FLACC1: variants seen among roughly 807,000 people sequenced by gnomAD.
FLACC1 encodes the protein flagellum-associated coiled-coil domain-containing protein 1.
A neutral mutation model predicts 62.8 loss-of-function variants in FLACC1; 66 were observed. That is an observed-to-expected ratio of 1.05 (90% CI 0.86 to 1.29). FLACC1 has a LOEUF of 1.29. FLACC1 is among the 50% of genes most tolerant of loss of function. The probability of loss-of-function intolerance (pLI) is 0.00; values close to 1 mark genes in which losing one functional copy is unlikely to be tolerated. For missense variants in FLACC1, 452 were observed against 489.1 expected (o/e 0.92, Z 0.71); for synonymous variants, 156 against 161.0 (o/e 0.97, Z 0.24).
intron 9 of FLACC1, among the ~76,000 whole-genome samples, chr2:201,329,980 A>T (rs192709065): frequency 6.6e-6 from 1 of 152,310 alleles, no homozygotes; most frequent in East Asian, 1.9e-4. Flanking sequence ...AAACAACTCA[A>T]ATGCCCAATA....
At chr2:201,316,234 A>G (rs1264884359) in intron 9 of FLACC1, among the ~76,000 whole-genome samples, 1 of 152,122 alleles carries the variant, frequency 6.6e-6, no homozygotes, top group Non-Finnish European at 1.5e-5. Flanking sequence ...AATCAAACAA[A>G]CAAACAAACA....
At chr2:201,309,925 A>AAAG (rs1553611896) in intron 9 of FLACC1, among the ~76,000 whole-genome samples, 5,718 of 94,712 alleles carry the variant, frequency 0.06, 313 homozygotes, top group East Asian at 0.13. Context: ...AAAAAAAAAA[A>AAAG]AAGAAGAAGA....
chr2:201,293,596 A>G (rs1200473301), intron 12 of FLACC1, among the ~76,000 whole-genome samples: 1 of 152,198 alleles, frequency 6.6e-6, no homozygotes, highest in East Asian at 1.9e-4. Flanking sequence ...ACACCCTAAC[A>G]TCACAATTAA....
intron 11 of FLACC1, among the ~76,000 whole-genome samples, chr2:201,304,315 T>G (rs943665637): frequency 6.6e-6 from 1 of 152,032 alleles, no homozygotes; most frequent in Non-Finnish European, 1.5e-5. Flanking sequence ...AAATCATGAG[T>G]GAACTCCCAT....
upstream of FLACC1, among the ~76,000 whole-genome samples, chr2:201,358,154 T>G (rs1219628006): frequency 6.6e-6 from 1 of 152,200 alleles, no homozygotes; most frequent in Non-Finnish European, 1.5e-5. Flanking sequence ...GGGATATACC[T>G]CAGTTCTTAT....
chr2:201,328,598 G>A lies in FLACC1; in HGVS notation c.675+1872C>T, dbSNP rs60931220. ...GTGCCACCATGTCCGACTAATTTTCGTATTTTCAGTAGAGACAGGGTTTTG... is the reference window on the plus strand; with the variant it reads ...GTGCCACCATGTCCGACTAATTTTCATATTTTCAGTAGAGACAGGGTTTTG... On this transcript the variant is annotated intron_variant, in intron 9 of 14. Transcript: ENST00000392257. Among the ~76,000 whole-genome samples the A allele has an allele frequency of 5.5e-3, 839 of 152,100 alleles. 13 individuals carry two copies. Among genetic ancestry groups the A allele is most frequent in the African/African-American group, 0.019 (803 of 41,504 alleles).
chr2:201,327,588 T>C (rs1157924965), intron 9 of FLACC1, among the ~76,000 whole-genome samples: 6 of 152,050 alleles, frequency 3.9e-5, no homozygotes, highest in African/African-American at 1.4e-4. Context: ...ATCAGGGAAA[T>C]GCAAATTAAA....
upstream of FLACC1, among the ~76,000 whole-genome samples, chr2:201,359,358 G>A (rs1951165205): frequency 6.6e-6 from 1 of 152,188 alleles, no homozygotes; most frequent in African/African-American, 2.4e-5. Flanking sequence ...TATTTTAGAA[G>A]TTCAGAGGAA....
chr2:201,332,321 T>C (rs1950610771), intron 7 of FLACC1, among the ~76,000 whole-genome samples: 1 of 152,038 alleles, frequency 6.6e-6, no homozygotes, highest in Non-Finnish European at 1.5e-5. Flanking sequence ...CAATCTCGGC[T>C]CACTGCAACC....
chr2:201,289,627 A>T, intron 13 of FLACC1, 61 bp from the exon 14 acceptor site: 2 of 1,611,838 alleles, frequency 1.2e-6, no homozygotes, highest in Non-Finnish European at 1.7e-6. Context: ...GGGCAGAGCT[A>T]TATGGCAGAG....
chr2:201,299,301 C>G lies in FLACC1; in HGVS notation c.880-1G>C. ...CACTTTGATGTTGTTTCAAGAGCTC[C>G]TAAAAACAATTTTATTGGGAAAAGG... is the stretch of plus-strand genomic sequence containing the variant. On this transcript the variant is annotated splice_acceptor_variant, in intron 11 of 14. Transcript: ENST00000392257. LOFTEE classifies it high-confidence loss of function. The G allele has an allele frequency of 1.2e-6, 2 of 1,613,496 alleles. No homozygotes were observed. Among genetic ancestry groups the G allele is most frequent in the South Asian group, 1.1e-5 (1 of 90,996 alleles).
At position 201,330,476 on chromosome 2, in the gene FLACC1, C is replaced by T. The variant is rs139800644; in HGVS notation, c.669G>A (p.Thr223=). The T allele has an allele frequency of 1.2e-4, 196 of 1,613,472 alleles. No homozygotes were observed. The East Asian group carries it at 1.7e-3, about 14-fold the overall frequency. ...AGGGAGCTGTGTATCTCACCTGATACGTACGAAACATATTCTTCAAATACT... is the reference window on the plus strand; with the variant it reads ...AGGGAGCTGTGTATCTCACCTGATATGTACGAAACATATTCTTCAAATACT... The part of the protein sequence containing the change: ...EYKYLKNMFR[T]YQDSIYDEME... Residue 223 remains threonine (T), a synonymous_variant, in exon 9 of 15, where the codon ACG becomes ACA. Transcript: ENST00000392257.
intron 11 of FLACC1, among the ~76,000 whole-genome samples, chr2:201,306,922 G>A (rs1464278503): frequency 6.6e-6 from 1 of 152,108 alleles, no homozygotes; most frequent in Admixed American, 6.6e-5. Context: ...GGACCAATAA[G>A]CATATGAGAA....
chr2:201,299,057 A>T (rs528914059), intron 12 of FLACC1, among the ~76,000 whole-genome samples, 181 bp downstream of exon 12: 65 of 152,340 alleles, frequency 4.3e-4, no homozygotes, highest in African/African-American at 1.5e-3. Context: ...CACTGGCTTT[A>T]TTTTACAGAT....
At chr2:201,298,516 C>T (rs138654733) in intron 12 of FLACC1, among the ~76,000 whole-genome samples, 5 of 152,284 alleles carry the variant, frequency 3.3e-5, no homozygotes, top group African/African-American at 1.2e-4. Context: ...AATTCGTAGA[C>T]AAGCTCATGA....
chr2:201,315,590 G>A (rs1321329788), intron 9 of FLACC1, among the ~76,000 whole-genome samples: 2 of 151,638 alleles, frequency 1.3e-5, no homozygotes, highest in Non-Finnish European at 2.9e-5. Flanking sequence ...GAGATAGACA[G>A]CAACACAATG....
At chr2:201,307,124 A>C (rs1007912552) in intron 11 of FLACC1, among the ~76,000 whole-genome samples, 4 of 152,232 alleles carry the variant, frequency 2.6e-5, no homozygotes, top group African/African-American at 9.6e-5. Context: ...AGTTTTGGCA[A>C]GTTCCCATAA....
At chr2:201,329,951 T>A (rs551618932) in intron 9 of FLACC1, among the ~76,000 whole-genome samples, 1 of 152,306 alleles carries the variant, frequency 6.6e-6, no homozygotes, top group Admixed American at 6.5e-5. Flanking sequence ...TGGTATTATC[T>A]GTTACAGCAA....
At chr2:201,299,694 A>G (rs1365270144) in intron 11 of FLACC1, among the ~76,000 whole-genome samples, 1 of 152,238 alleles carries the variant, frequency 6.6e-6, no homozygotes, top group Non-Finnish European at 1.5e-5. Context: ...ATGTAAAAAT[A>G]CAAAGCATGT....
Sources: allele counts gnomAD v4.1 joint callset (sites outside exome capture counted in the v4.1 genomes callset), GRCh38; gene constraint gnomAD v4.1.1; transcripts MANE v1.5; gene names NCBI Gene and HGNC (gene_info 2026-07-23, HGNC 2026-07-21).